Variants in PLCE1 observed in about 807,000 individuals in gnomAD.
The protein encoded by PLCE1 is 1-phosphatidylinositol 4,5-bisphosphate phosphodiesterase epsilon-1.
In PLCE1, 119 loss-of-function variants were observed where a neutral mutation model predicts 242.8. That is an observed-to-expected ratio of 0.49 (90% CI 0.42 to 0.57). PLCE1 has a LOEUF of 0.57. PLCE1 is among the 20% of genes least tolerant of loss of function. The probability of loss-of-function intolerance (pLI) is 0.00; values close to 1 mark genes in which losing one functional copy is unlikely to be tolerated. For synonymous variants in PLCE1, 945 were observed against 1,017.4 expected, an observed-to-expected ratio of 0.93 and a Z score of 1.35; for missense variants, 2,441 against 2,788.8, an observed-to-expected ratio of 0.88 and a Z score of 2.81.
intron 1 of PLCE1, among the ~76,000 whole-genome samples, chr10:94,025,160 C>G (rs977273249): frequency 6.6e-6 from 1 of 152,000 alleles, no homozygotes; most frequent in Non-Finnish European, 1.5e-5. Context: ...CAATCAGCAG[C>G]AGAAGAAAGA....
intron 19 of PLCE1, among the ~76,000 whole-genome samples, chr10:94,278,899 TTA>T (rs1328033968): frequency 1.3e-5 from 2 of 152,092 alleles, no homozygotes; most frequent in Non-Finnish European, 2.9e-5. Context: ...ACATGCAGAA[TTA>T]TATATGTGTG....
At chr10:94,189,909 G>A (rs896337596) in intron 4 of PLCE1, among the ~76,000 whole-genome samples, 1 of 152,166 alleles carries the variant, frequency 6.6e-6, no homozygotes, top group East Asian at 1.9e-4. Context: ...TTACTTATTA[G>A]CAGTGTATTT....
intron 1 of PLCE1, among the ~76,000 whole-genome samples, 114 bp from the exon 2 acceptor site, chr10:94,030,569 G>A (rs1031813297): frequency 6.6e-6 from 1 of 151,516 alleles, no homozygotes; most frequent in African/African-American, 2.4e-5. Flanking sequence ...ACCAACTTCT[G>A]ATTGCAAAAA....
intron 4 of PLCE1, among the ~76,000 whole-genome samples, chr10:94,226,475 C>T (rs1374315860): frequency 1.3e-5 from 2 of 152,070 alleles, no homozygotes; most frequent in Non-Finnish European, 2.9e-5. Context: ...AGGTAAAGTG[C>T]TTAGAATGGC....
At chr10:94,103,353 C>A (rs1346677281) in intron 2 of PLCE1, among the ~76,000 whole-genome samples, 2 of 152,206 alleles carry the variant, frequency 1.3e-5, no homozygotes, top group African/African-American at 4.8e-5. Context: ...CTACCAGACA[C>A]CCTGAGAAAG....
At chr10:94,088,939 T>G in intron 2 of PLCE1, 1 of 645,420 alleles carries the variant, frequency 1.5e-6, no homozygotes, top group African/African-American at 1.8e-5. Context: ...TTCACAGAGG[T>G]TTTTGCAATG....
chr10:94,239,721 C>T (rs569690686), intron 7 of PLCE1, among the ~76,000 whole-genome samples: 21 of 151,984 alleles, frequency 1.4e-4, no homozygotes, highest in East Asian at 9.7e-4. Context: ...CGCGCCTGGA[C>T]GATAATCCAA....
chr10:94,020,984 C>A (rs2061366047), intron 1 of PLCE1, among the ~76,000 whole-genome samples: 1 of 151,972 alleles, frequency 6.6e-6, no homozygotes, highest in South Asian at 2.1e-4. Context: ...TTTGCACCAC[C>A]ATACCCAACT....
At chr10:94,165,924 C>T (rs2047787808) in intron 3 of PLCE1, among the ~76,000 whole-genome samples, 1 of 152,082 alleles carries the variant, frequency 6.6e-6, no homozygotes, top group Admixed American at 6.6e-5. Context: ...CAAGGCTGGT[C>T]TCCAACTCCT....
chr10:94,066,158 G>T (rs988554851), intron 2 of PLCE1, among the ~76,000 whole-genome samples: 5 of 152,146 alleles, frequency 3.3e-5, no homozygotes, highest in Admixed American at 2.0e-4. Context: ...AGAGTGTTCT[G>T]CAGCAGCTAA....
intron 7 of PLCE1, among the ~76,000 whole-genome samples, chr10:94,242,679 A>C (rs906896019): frequency 3.3e-5 from 5 of 152,132 alleles, no homozygotes; most frequent in African/African-American, 1.2e-4. Flanking sequence ...GGCTGATTCG[A>C]GGACTGGGGC....
At chr10:94,008,859 A>G (rs1367679036) in intron 1 of PLCE1, among the ~76,000 whole-genome samples, 1 of 152,098 alleles carries the variant, frequency 6.6e-6, no homozygotes, top group Non-Finnish European at 1.5e-5. Context: ...AAGGAGACCT[A>G]TTCATTTTGG....
intron 4 of PLCE1, chr10:94,227,044 T>G: frequency 2.6e-6 from 1 of 380,860 alleles, no homozygotes; most frequent in Non-Finnish European, 5.0e-6. Context: ...GCCCAGCTAA[T>G]TTTTGTATTT....
intron 4 of PLCE1, among the ~76,000 whole-genome samples, chr10:94,194,591 A>G (rs1173263845): frequency 2.6e-5 from 4 of 152,218 alleles, no homozygotes; most frequent in African/African-American, 9.6e-5. Context: ...AGCCCTGGGT[A>G]AGAGCCCTGG....
intron 32 of PLCE1, 129 bp from the exon 33 acceptor site, chr10:94,327,839 G>A (rs2054087926): frequency 6.2e-6 from 2 of 322,510 alleles, no homozygotes; most frequent in South Asian, 6.1e-5. Flanking sequence ...GAGTACAGAG[G>A]AAACAGTCTC....
At chr10:94,269,552 C>G (rs1023302257) in intron 17 of PLCE1, among the ~76,000 whole-genome samples, 2 of 152,122 alleles carry the variant, frequency 1.3e-5, no homozygotes, top group African/African-American at 4.8e-5. Flanking sequence ...ATCTAGAACT[C>G]TCATTAGATT....
intron 2 of PLCE1, among the ~76,000 whole-genome samples, chr10:94,069,272 A>G (rs574333491): frequency 1.3e-5 from 2 of 152,366 alleles, no homozygotes; most frequent in South Asian, 2.1e-4. Context: ...TATAGGTTCA[A>G]TTCATGGAAT....
In PLCE1 at chr10:94,153,012, C is replaced by T. The variant is rs2047320151; in HGVS notation, c.1493-18168C>T. Among the ~76,000 whole-genome samples the T allele has an allele frequency of 2.0e-5, 3 of 152,210 alleles. No homozygotes were observed. In the South Asian group the frequency reaches 6.2e-4, roughly 32 times the overall value. ...AATAAAAGGTGCATGTTCAACATTA[C>T]TTTCAAAATATATATAGATTTTCTT... On this transcript the variant is annotated intron_variant, in intron 3 of 32. Coordinates refer to ENST00000371380, the MANE Select transcript of PLCE1 (RefSeq NM_016341.4).
rs2049985812 is a variant in PLCE1, at chr10:94,227,447, C to T, written c.1951C>T (p.Leu651Phe). ...YNAVMEFLAG[L>F]RSRKVLKMWQ... ...CGCTGTCATGGAGTTCTTGGCTGGC[C>T]TCAGGTATAGTCAGTGGGGAATATG... The change falls in exon 5 of 33, where the codon CTC becomes TTC. Residue 651 changes from leucine (L) to phenylalanine (F), a missense_variant. By Grantham distance (22) the Leu-to-Phe change is conservative (BLOSUM62 0). Coordinates refer to ENST00000371380, the MANE Select transcript of PLCE1 (RefSeq NM_016341.4). 1.2e-6 allele frequency: 2 copies of T among 1,613,832 alleles called. No individual in the cohort carries two copies. The highest frequency in any genetic ancestry group is 1.7e-5 in the Admixed American group (1 of 60,012).
Sources: allele counts gnomAD v4.1 joint callset (sites outside exome capture counted in the v4.1 genomes callset), GRCh38; gene constraint gnomAD v4.1.1; transcripts MANE v1.5; gene names NCBI Gene and HGNC (gene_info 2026-07-23, HGNC 2026-07-21).